DCLK2: variants seen among roughly 807,000 people sequenced by gnomAD.
DCLK2 encodes the protein serine/threonine-protein kinase DCLK2.
In DCLK2, 31 loss-of-function variants were observed where a neutral mutation model predicts 78.4. The observed-to-expected ratio is 0.40, with a 90% confidence interval of 0.30 to 0.53. DCLK2 has a LOEUF of 0.53. Among genes scored for constraint, DCLK2 ranks in the 20% least tolerant of loss-of-function variants. DCLK2 has a pLI of 0.61. For synonymous variants in DCLK2, 407 were observed against 374.9 expected (o/e 1.09, Z -0.99); for missense variants, 872 against 973.7 (o/e 0.90, Z 1.39).
intron 15 of DCLK2, 120 bp from the exon 16 acceptor site, chr4:150,255,900 C>T (rs1744520765): frequency 2.2e-5 from 32 of 1,446,148 alleles, no homozygotes; most frequent in Non-Finnish European, 2.8e-5. Context: ...AGAAGCTTGG[C>T]GTTATTTCTC....
chr4:150,151,924 C>CAAA (rs767846412), intron 2 of DCLK2, among the ~76,000 whole-genome samples: 4 of 131,118 alleles, frequency 3.1e-5, no homozygotes, highest in Admixed American at 3.0e-4. Context: ...GGCTCTGTCT[C>CAAA]AAAAAAAAAA....
At chr4:150,227,408 A>C (rs1741700454) in intron 8 of DCLK2, among the ~76,000 whole-genome samples, 1 of 152,238 alleles carries the variant, frequency 6.6e-6, no homozygotes, top group Non-Finnish European at 1.5e-5. Flanking sequence ...GTTGGAGTTC[A>C]GGGGAAGCAC....
intron 1 of DCLK2, among the ~76,000 whole-genome samples, chr4:150,098,129 T>C (rs1478214170): frequency 6.6e-6 from 1 of 152,092 alleles, no homozygotes; most frequent in African/African-American, 2.4e-5. Flanking sequence ...CACTCTGTCT[T>C]GGGTGCTGTC....
intron 2 of DCLK2, among the ~76,000 whole-genome samples, chr4:150,192,082 T>C (rs1368677704): frequency 6.6e-6 from 1 of 152,216 alleles, no homozygotes; most frequent in African/African-American, 2.4e-5. Flanking sequence ...ATGGTTCTTC[T>C]GGTCACCACT....
intron 2 of DCLK2, among the ~76,000 whole-genome samples, chr4:150,108,558 A>G (rs1731435853): frequency 6.6e-6 from 1 of 151,912 alleles, no homozygotes; most frequent in Admixed American, 6.5e-5. Flanking sequence ...AAATTAAAAA[A>G]ATAAATAAAA....
chr4:150,236,056 T>C (rs1278730550), intron 10 of DCLK2, among the ~76,000 whole-genome samples: 1 of 152,210 alleles, frequency 6.6e-6, no homozygotes, highest in African/African-American at 2.4e-5. Context: ...TTTCTCATAT[T>C]TGAAGTCCTT....
At chr4:150,104,477 A>G (rs1731115530) in intron 2 of DCLK2, among the ~76,000 whole-genome samples, 1 of 150,632 alleles carries the variant, frequency 6.6e-6, no homozygotes, top group South Asian at 2.1e-4. Context: ...AAATTTAAAT[A>G]GTTATCAAAA....
chr4:150,085,586 C>T (rs895741407), intron 1 of DCLK2, among the ~76,000 whole-genome samples: 2 of 152,170 alleles, frequency 1.3e-5, no homozygotes, highest in Non-Finnish European at 2.9e-5. Context: ...AAATTTCCAA[C>T]ACCTGAAGCT....
chr4:150,255,194 C>T (rs1275427582), intron 15 of DCLK2, among the ~76,000 whole-genome samples: 1 of 152,216 alleles, frequency 6.6e-6, no homozygotes, highest in Admixed American at 6.5e-5. Context: ...AGTTAGATTA[C>T]AAAAGGCCTC....
intron 2 of DCLK2, among the ~76,000 whole-genome samples, chr4:150,141,129 T>G (rs1054415575): frequency 6.6e-6 from 1 of 152,196 alleles, no homozygotes; most frequent in Non-Finnish European, 1.5e-5. Context: ...CTAAGAGTTT[T>G]AATTTCATAG....
At chr4:150,176,007 C>A (rs1301957595) in intron 2 of DCLK2, among the ~76,000 whole-genome samples, 28 of 152,172 alleles carry the variant, frequency 1.8e-4, no homozygotes. Context: ...CCCGAGGCAA[C>A]CAGCTATGGC....
intron 5 of DCLK2, among the ~76,000 whole-genome samples, chr4:150,207,887 CCACTGT>C (rs1401419938): frequency 6.6e-6 from 1 of 152,068 alleles, no homozygotes; most frequent in Non-Finnish European, 1.5e-5. Context: ...GGTATAGAGA[CCACTGT>C]AGTGGAGCCT....
intron 2 of DCLK2, among the ~76,000 whole-genome samples, chr4:150,186,353 A>G (rs1580673797): frequency 6.6e-6 from 1 of 152,254 alleles, no homozygotes; most frequent in East Asian, 1.9e-4. Flanking sequence ...ATGTTGTAAA[A>G]CATAGAAAAA....
chr4:150,247,592 C>T lies in DCLK2; in HGVS notation c.1779-11C>T, dbSNP rs201993001. On this transcript the variant is annotated splice_polypyrimidine_tract_variant and intron_variant, in intron 12 of 15. Coordinates refer to ENST00000296550, the MANE Select transcript of DCLK2 (RefSeq NM_001040260.4). ...TTTGACTTTTCTTCCATTTCTTTGTCACTGGCTTAGTGAGAACAATCTCCA... is the reference window on the plus strand; with the variant it reads ...TTTGACTTTTCTTCCATTTCTTTGTTACTGGCTTAGTGAGAACAATCTCCA... The T allele has an allele frequency of 2.4e-5, 39 of 1,611,240 alleles. No individual in the cohort carries two copies. Among genetic ancestry groups the T allele is most frequent in the Non-Finnish European group, 3.1e-5 (36 of 1,178,442 alleles).
At chr4:150,153,525 A>C (rs1326633282) in intron 2 of DCLK2, among the ~76,000 whole-genome samples, 8 of 151,384 alleles carry the variant, frequency 5.3e-5, no homozygotes, top group African/African-American at 1.9e-4. Flanking sequence ...CAACTTACCC[A>C]CCGCAGCAGT....
At chr4:150,121,770 C>T (rs1732560848) in intron 2 of DCLK2, among the ~76,000 whole-genome samples, 2 of 152,192 alleles carry the variant, frequency 1.3e-5, no homozygotes, top group African/African-American at 4.8e-5. Flanking sequence ...TTTCTTACAT[C>T]AGACTTGAAA....
At chr4:150,222,109 A>G (rs2126533781) in intron 7 of DCLK2, among the ~76,000 whole-genome samples, 1 of 152,038 alleles carries the variant, frequency 6.6e-6, no homozygotes, top group Non-Finnish European at 1.5e-5. Flanking sequence ...CTCCCACCTC[A>G]GCCTCCCAGC....
chr4:150,203,601 T>TG (rs1739611558), intron 4 of DCLK2, among the ~76,000 whole-genome samples, 194 bp from the exon 5 acceptor site: 1 of 30,424 alleles, frequency 3.3e-5, no homozygotes, highest in South Asian at 2.1e-3. Context: ...AGTTTCACTC[T>TG]GTTTTTTTTT....
At chr4:150,146,711 T>A (rs1421396376) in intron 2 of DCLK2, among the ~76,000 whole-genome samples, 3 of 152,066 alleles carry the variant, frequency 2.0e-5, no homozygotes, top group Non-Finnish European at 4.4e-5. Flanking sequence ...CTTCAATAAG[T>A]GTTGGTTATT....
Sources: allele counts gnomAD v4.1 joint callset (sites outside exome capture counted in the v4.1 genomes callset), GRCh38; gene constraint gnomAD v4.1.1; transcripts MANE v1.5; gene names NCBI Gene and HGNC (gene_info 2026-07-23, HGNC 2026-07-21).